AKAP13: variants seen among roughly 807,000 people sequenced by gnomAD.
AKAP13 encodes the protein A-kinase anchoring protein 13, also known as A-kinase anchor protein 13.
In AKAP13, 80 loss-of-function variants were observed where a neutral mutation model predicts 264.5. That is an observed-to-expected ratio of 0.30 (90% CI 0.25 to 0.36). The LOEUF (loss-of-function observed/expected upper bound fraction) is 0.36. AKAP13 is among the 10% of genes least tolerant of loss of function. The probability of loss-of-function intolerance (pLI) is 1.00; values close to 1 mark genes in which losing one functional copy is unlikely to be tolerated. For synonymous variants in AKAP13, 1,380 were observed against 1,250.2 expected, an observed-to-expected ratio of 1.10 and a Z score of -2.19; for missense variants, 3,712 against 3,435.2, an observed-to-expected ratio of 1.08 and a Z score of -2.01.
chr15:85,418,198 C>G (rs1241308965), intron 1 of AKAP13, among the ~76,000 whole-genome samples: 1 of 151,908 alleles, frequency 6.6e-6, no homozygotes, highest in Admixed American at 6.6e-5. Context: ...GCCTCAGCCT[C>G]CCGAGTAGCT....
At chr15:85,384,833 T>C (rs1026136263) in intron 1 of AKAP13, among the ~76,000 whole-genome samples, 2 of 152,304 alleles carry the variant, frequency 1.3e-5, no homozygotes, top group East Asian at 3.9e-4. Flanking sequence ...TACAAGTTGA[T>C]TGTGACGTTA....
intron 7 of AKAP13, 78 bp from the exon 8 acceptor site, chr15:85,585,624 C>T: frequency 6.3e-7 from 1 of 1,581,972 alleles, no homozygotes; most frequent in Non-Finnish European, 8.6e-7. Context: ...CACATGAAAC[C>T]TGGAGCATGT....
rs1056363027 is a variant in AKAP13, at chr15:85,561,202, C to T, written c.663-13929C>T. ...CCTCCCAAGTAGCTGGGATTACAGG[C>T]GCCCGCCACCACACCTGGCTAATTT... is the stretch of plus-strand genomic sequence containing the variant. On this transcript the variant is annotated intron_variant, in intron 5 of 36. Transcript: ENST00000394518. Among the ~76,000 whole-genome samples the T allele has an allele frequency of 7.9e-5, 12 of 151,966 alleles. 1 individual carries two copies. In the East Asian group the frequency reaches 1.2e-3, roughly 15 times the overall value.
At position 85,741,099 on chromosome 15, in the gene AKAP13, C is replaced by T. The variant is rs972078330; in HGVS notation, c.7662C>T (p.Ser2554=). 8.1e-6 allele frequency: 13 copies of T among 1,613,412 alleles called. No individual in the cohort carries two copies. Among genetic ancestry groups the T allele is most frequent in the Middle Eastern group, 1.7e-4 (1 of 5,928 alleles). The stretch of plus-strand genomic sequence containing the variant: ...TTGAGGACCAGAAACTGGTGCTGAG[C>T]GAGAGGGCGCTCACTCGCAGCTTGT... ...SYIEDQKLVL[S]ERALTRSLSR... is the part of the protein sequence containing the mutation. The change falls in exon 35 of 37, where the codon AGC becomes AGT. Residue 2554 remains serine, a synonymous_variant. Transcript: ENST00000394518.
At chr15:85,636,093 T>C (rs2082059998) in intron 8 of AKAP13, among the ~76,000 whole-genome samples, 2 of 152,190 alleles carry the variant, frequency 1.3e-5, no homozygotes, top group South Asian at 4.1e-4. Context: ...TTCTCAACAA[T>C]GTTTTATAAA....
At chr15:85,537,106 G>A (rs979824) in intron 4 of AKAP13, 118,715 of 152,132 alleles carry the variant, frequency 0.78, 46,814 homozygotes, top group African/African-American at 0.83. Flanking sequence ...TCTGTGCTCA[G>A]TTCACATTCT....
chr15:85,703,362 A>T (rs547004984), intron 17 of AKAP13, among the ~76,000 whole-genome samples: 1 of 152,328 alleles, frequency 6.6e-6, no homozygotes, highest in Non-Finnish European at 1.5e-5. Context: ...TTTGTTTACC[A>T]GTGTTGTTAC....
intron 1 of AKAP13, among the ~76,000 whole-genome samples, chr15:85,478,120 C>T (rs2075234191): frequency 6.6e-6 from 1 of 152,178 alleles, no homozygotes; most frequent in Non-Finnish European, 1.5e-5. Flanking sequence ...GCTCATCATA[C>T]TGTAATATCT....
At chr15:85,587,795 C>T (rs993967630) in intron 8 of AKAP13, among the ~76,000 whole-genome samples, 4 of 152,052 alleles carry the variant, frequency 2.6e-5, no homozygotes, top group African/African-American at 4.8e-5. Flanking sequence ...TACAGGGACT[C>T]GTCACCACGC....
intron 1 of AKAP13, among the ~76,000 whole-genome samples, chr15:85,470,105 C>T (rs535629112): frequency 2.6e-5 from 4 of 152,162 alleles, no homozygotes; most frequent in South Asian, 4.1e-4. Context: ...CTGGCCAACA[C>T]GGTGAAACCC....
Position 85,547,264 on chromosome 15 carries a change from C to T in AKAP13, c.662+3309C>T, listed in dbSNP as rs528952332. ...CCCCATTTATAGCCCTTCCCAAGTACATTTGTTGTTTTAATTCCTTGGTGC... is the reference window on the plus strand; with the variant it reads ...CCCCATTTATAGCCCTTCCCAAGTATATTTGTTGTTTTAATTCCTTGGTGC... On this transcript the variant is annotated intron_variant, in intron 5 of 36. Transcript: ENST00000394518. 2.0e-5 allele frequency among the ~76,000 whole-genome samples: 3 copies of T among 152,258 alleles called. No homozygotes were observed. In the East Asian group the frequency reaches 5.8e-4, roughly 29 times the overall value.
rs1214945064 is a variant in AKAP13 at position 85,653,678 on chromosome 15, A to G, written c.4375-1739A>G. On this transcript the variant is annotated intron_variant, in intron 10 of 36. Coordinates refer to ENST00000394518, the MANE Select transcript of AKAP13 (RefSeq NM_007200.5). ...TTTTTCTCTTTCTTGAAGAACCATAATTTTTTTTTACCCTTAATTAAAACA... is the reference window on the plus strand; with the variant it reads ...TTTTTCTCTTTCTTGAAGAACCATAGTTTTTTTTTACCCTTAATTAAAACA... 4.6e-5 allele frequency among the ~76,000 whole-genome samples: 7 copies of G among 151,694 alleles called. No individual in the cohort carries two copies. In the East Asian group the frequency reaches 1.4e-3, roughly 29 times the overall value.
Position 85,732,099 on chromosome 15 carries a change from C to A in AKAP13, c.7282+1392C>A, listed in dbSNP as rs887143932. Among the ~76,000 whole-genome samples, 42 of 132,760 alleles carry A rather than the reference C, an allele frequency of 3.2e-4. 2 individuals are homozygous for A. The South Asian group carries it at 4.0e-3, about 13-fold the overall frequency. 87.1% of individuals were successfully genotyped at this position (132,760 alleles called of 152,430 possible). A position where few individuals can be genotyped will look rare whatever the true frequency, so the allele number is the denominator to read the frequency against. The stretch of plus-strand genomic sequence containing the variant: ...CTATCTCAAAAAAAAAAAAAAAAAA[C>A]GTTTGATGGATTTCAAGTCATTGCA... On this transcript the variant is annotated intron_variant, in intron 30 of 36. Transcript: ENST00000394518.
In AKAP13 at chr15:85,715,650, A is replaced by G. The variant is rs141233326; in HGVS notation, c.5600-138A>G. 1.4e-3 allele frequency: 1,549 copies of G among 1,144,642 alleles called. 41 individuals carry two copies. The East Asian group carries it at 0.04, about 29-fold the overall frequency. The allele number at this position is 1,144,642 out of a possible 1,614,324, so 70.9% of individuals were successfully genotyped here. On this transcript the variant is annotated intron_variant, in intron 19 of 36. Coordinates refer to ENST00000394518, the MANE Select transcript of AKAP13 (RefSeq NM_007200.5). ...TGCTTCAGTTAGTGTCCTCTCCTCC[A>G]TGGAGTTTTTATATAAACTTACAGT...
intron 5 of AKAP13, among the ~76,000 whole-genome samples, chr15:85,548,461 A>C (rs1013615691): frequency 1.3e-5 from 2 of 152,190 alleles, no homozygotes; most frequent in African/African-American, 4.8e-5. Context: ...ACGGATTAAA[A>C]GCTTAATAAA....
rs1229424394 is a variant in AKAP13, at chr15:85,580,208, G to A, written c.2140G>A (p.Ala714Thr). 1.9e-6 allele frequency: 3 copies of A among 1,614,058 alleles called. No homozygotes were observed. The highest frequency in any genetic ancestry group is 1.3e-5 in the African/African-American group (1 of 74,916). ...TGCCTCCCACTGTGAAGACCCACAG[G>A]CTCATACAGTCACCTCTGACCCTGT... is the stretch of plus-strand genomic sequence containing the variant. ...PDASHCEDPQ[A>T]HTVTSDPVRD... is the part of the protein sequence containing the mutation. Residue 714 changes from alanine to threonine, a missense_variant, in exon 7 of 37, where the codon GCT (alanine) becomes ACT (threonine). Ala to Thr is a moderately conservative substitution (Grantham distance 58). This residue lies in a region of AKAP13 where 2,759 missense variants were observed against 2,411.7 expected (regional missense o/e 1.14). Coordinates refer to ENST00000394518, the MANE Select transcript of AKAP13 (RefSeq NM_007200.5).
rs1032180131 is a variant in AKAP13 at position 85,724,896 on chromosome 15, A to G, written c.6746-1514A>G. On this transcript the variant is annotated intron_variant, in intron 26 of 36. Transcript: ENST00000394518. This position sits in a 1 kb window ranked among gnomAD's most constrained non-coding sequence, Gnocchi z 4.2. ...CTTTCCCACCACCAGCTGGCTGTGT[A>G]TTTCATGGTTCTGTGATAAACTTAA... Among the ~76,000 whole-genome samples, 1 of 152,032 alleles carries G rather than the reference A, an allele frequency of 6.6e-6. No homozygotes were observed. The highest frequency in any genetic ancestry group is 2.4e-5 in the African/African-American group (1 of 41,412).
At position 85,734,944 on chromosome 15, in the gene AKAP13, C is replaced by T; in HGVS notation, c.7283-48C>T. ...CATATATACTATGAACTTGTTTTCCCCTCATTGAAAGATAAGATGTCAGCT... is the reference window on the plus strand; with the variant it reads ...CATATATACTATGAACTTGTTTTCCTCTCATTGAAAGATAAGATGTCAGCT... On this transcript the variant is annotated intron_variant, in intron 30 of 36. Coordinates refer to ENST00000394518, the MANE Select transcript of AKAP13 (RefSeq NM_007200.5). 1.9e-6 allele frequency: 3 copies of T among 1,596,164 alleles called. No individual in the cohort carries two copies. The South Asian group carries it at 3.4e-5, about 18-fold the overall frequency.
At position 85,692,520 on chromosome 15, in the gene AKAP13, A is replaced by G. The variant is rs543107046; in HGVS notation, c.5290-757A>G. Among the ~76,000 whole-genome samples the G allele has an allele frequency of 2.7e-5, 4 of 148,424 alleles. No homozygotes were observed. In the South Asian group the frequency reaches 8.7e-4, roughly 32 times the overall value. On this transcript the variant is annotated intron_variant, in intron 16 of 36. Transcript: ENST00000394518. ...TGATGGTGGTGGTGGTGGTGGTGGC[A>G]GTAGTGGTAGTAGTGGTAGTAGTAC...
Sources: gnomAD v4.1 joint callset for allele counts (sites outside exome capture counted in the v4.1 genomes callset) on GRCh38, gnomAD v4.1.1 for gene constraint, gnomAD v4.1.1 regional missense constraint, Gnocchi (gnomAD v3.1) non-coding constraint, MANE v1.5 for transcripts, NCBI Gene and HGNC (gene_info 2026-07-23, HGNC 2026-07-21) for gene names.